Variants in G2E3 observed in about 807,000 individuals in gnomAD.
The protein encoded by G2E3 is G2/M phase-specific E3 ubiquitin-protein ligase.
In G2E3, 35 loss-of-function variants were observed where a neutral mutation model predicts 92.8. The ratio of observed to expected loss-of-function variants is 0.38; its 90% confidence interval spans 0.29 to 0.50. The LOEUF (loss-of-function observed/expected upper bound fraction) is 0.50. Ranked by LOEUF, G2E3 falls within the 20% of genes least tolerant of loss-of-function variation. The pLI is 0.94. For missense variants in G2E3, 554 were observed against 823.8 expected (o/e 0.67, Z 4.01); for synonymous variants, 242 against 272.4 (o/e 0.89, Z 1.10).
At position 30,596,407 on chromosome 14, in the gene G2E3, C is replaced by T. The variant is rs572226109; in HGVS notation, c.529-1013C>T. 2.8e-4 allele frequency among the ~76,000 whole-genome samples: 43 copies of T among 152,244 alleles called. No individual in the cohort carries two copies. The South Asian group carries it at 5.0e-3, about 18-fold the overall frequency. On this transcript the variant is annotated intron_variant, in intron 6 of 14. Transcript: ENST00000206595. ...CATACTACTGTCTTTAACTTACCTA[C>T]CTAGCCTCTACTTAGTTCAGTTTGG...
At position 30,618,118 on chromosome 14, in the gene G2E3, A is replaced by G. The variant is rs1387086492; in HGVS notation, c.*1584A>G. 1 of 152,100 alleles carries G rather than the reference A, an allele frequency of 6.6e-6. No individual in the cohort carries two copies. The highest frequency in any genetic ancestry group is 1.5e-5 in the Non-Finnish European group (1 of 67,944). The allele number at this position is 152,100 out of a possible 1,614,324, so 9.4% of individuals were successfully genotyped here. On this transcript the variant is annotated 3_prime_UTR_variant, in exon 15 of 15. Transcript: ENST00000206595. Reference sequence around the variant, plus strand: ...CAAAGGAAAACTAAAACATAATTCTAGTGTACTTTTCTTTGTTCCCTCATG... The same window carrying G: ...CAAAGGAAAACTAAAACATAATTCTGGTGTACTTTTCTTTGTTCCCTCATG...
chr14:30,609,331 T>C (rs139744572), intron 12 of G2E3, among the ~76,000 whole-genome samples: 3 of 152,346 alleles, frequency 2.0e-5, no homozygotes, highest in African/African-American at 7.2e-5. Flanking sequence ...CAGTCTCAAG[T>C]TAGCTAGTTC....
At chr14:30,561,848 CT>C (rs61225908) in intron 1 of G2E3, among the ~76,000 whole-genome samples, 388 of 135,046 alleles carry the variant, frequency 2.9e-3, no homozygotes, top group African/African-American at 3.0e-3. Flanking sequence ...AAAGTTGTTG[CT>C]TTTTTTTTTT....
intron 5 of G2E3, among the ~76,000 whole-genome samples, chr14:30,592,936 A>G (rs775880292): frequency 6.6e-6 from 1 of 152,036 alleles, no homozygotes; most frequent in Non-Finnish European, 1.5e-5. Context: ...ATGAATTTTG[A>G]CTTTTGGTAT....
intron 3 of G2E3, among the ~76,000 whole-genome samples, chr14:30,588,710 C>A (rs1426584957): frequency 1.3e-5 from 2 of 152,084 alleles, no homozygotes; most frequent in Non-Finnish European, 2.9e-5. Flanking sequence ...TTAATACTTG[C>A]CTAGGGTTCC....
chr14:30,572,345 C>T (rs545398836), intron 1 of G2E3, among the ~76,000 whole-genome samples: 2 of 152,170 alleles, frequency 1.3e-5, no homozygotes, highest in South Asian at 2.1e-4. Flanking sequence ...CTAAGGTGAA[C>T]GTTTGTAGAT....
At chr14:30,600,112 G>A (rs951441053) in intron 8 of G2E3, among the ~76,000 whole-genome samples, 1 of 152,162 alleles carries the variant, frequency 6.6e-6, no homozygotes, top group African/African-American at 2.4e-5. Context: ...TCAATAATTT[G>A]TTATCACTGT....
At chr14:30,603,712 G>T (rs916956845) in intron 10 of G2E3, among the ~76,000 whole-genome samples, 2 of 152,112 alleles carry the variant, frequency 1.3e-5, no homozygotes, top group Non-Finnish European at 2.9e-5. Flanking sequence ...AGGTATGGTG[G>T]TGTGCACCTG....
chr14:30,566,512 TTTAC>T (rs370926075), intron 1 of G2E3, among the ~76,000 whole-genome samples: 8 of 152,338 alleles, frequency 5.3e-5, no homozygotes, highest in African/African-American at 1.9e-4. Context: ...AATGGAATTG[TTTAC>T]TTAATTTCCT....
In G2E3 at chr14:30,605,814, TA is replaced by T; in HGVS notation, c.1318+4del. The T allele has an allele frequency of 6.8e-7, 1 of 1,479,092 alleles. No homozygotes were observed. The highest frequency in any genetic ancestry group is 9.2e-7 in the Non-Finnish European group (1 of 1,092,430). The allele number at this position is 1,479,092 out of a possible 1,614,324, so 91.6% of individuals were successfully genotyped here. ...AGAACTTGTCTCTAAATTCTCAAGGTAATTATTTTATTTATTGTTGTATATA... is the reference window on the plus strand; with the variant it reads ...AGAACTTGTCTCTAAATTCTCAAGGTATTATTTTATTTATTGTTGTATATA... On this transcript the variant is annotated splice_donor_region_variant and intron_variant, in intron 11 of 14. Transcript: ENST00000206595.
rs184817933 is a variant in G2E3 at position 30,564,757 on chromosome 14, A to G, written c.-5+5485A>G. On this transcript the variant is annotated intron_variant, in intron 1 of 14. Transcript: ENST00000206595. ...TGTCTGACTTCCCTCATTTAATATA[A>G]TGTTTTCAAGGTTATCTATGTTGTA... Among the ~76,000 whole-genome samples the G allele has an allele frequency of 1.0e-3, 154 of 152,276 alleles. 1 individual carries two copies. The highest frequency in any genetic ancestry group is 4.8e-3 in the East Asian group (25 of 5,190).
At chr14:30,614,399 G>C (rs138080760) in intron 13 of G2E3, among the ~76,000 whole-genome samples, 1 of 152,206 alleles carries the variant, frequency 6.6e-6, no homozygotes, top group Non-Finnish European at 1.5e-5. Context: ...GTCTTGCTGT[G>C]TCATAGCATT....
rs1882429259 is a variant in G2E3, at chr14:30,618,685, A to G, written c.*2151A>G. 6.6e-6 allele frequency: 1 copy of G among 152,114 alleles called. No homozygotes were observed. The highest frequency in any genetic ancestry group is 2.1e-4 in the South Asian group (1 of 4,836). The allele number at this position is 152,114 out of a possible 1,614,324, so 9.4% of individuals were successfully genotyped here. On this transcript the variant is annotated 3_prime_UTR_variant, in exon 15 of 15. Coordinates refer to ENST00000206595, the MANE Select transcript of G2E3 (RefSeq NM_017769.5). ...TGAAGCATAAATATTTATTTTGCAA[A>G]ATGTTTTCTAGTTTGAAGGATGTTC...
chr14:30,589,561 T>C, intron 4 of G2E3, 77 bp downstream of exon 4: 1 of 749,496 alleles, frequency 1.3e-6, no homozygotes, highest in Non-Finnish European at 2.3e-6. Flanking sequence ...TCAGTTTCTG[T>C]ACTAGAAATT....
In G2E3 at chr14:30,615,430, T is replaced by C; in HGVS notation, c.1755T>C (p.His585=). 3 of 1,610,810 alleles carry C rather than the reference T, an allele frequency of 1.9e-6. No homozygotes were observed. The highest frequency in any genetic ancestry group is 1.1e-5 in the South Asian group (1 of 90,974). ...YPEAFCSILC[H]KPESLSAKIL... is the part of the protein sequence containing the mutation. The stretch of plus-strand genomic sequence containing the variant: ...AAGCATTTTGTAGCATCCTGTGTCA[T>C]AAACCTGAGAGTCTTTCTGCAAAAA... The change falls in exon 14 of 15, where the codon CAT becomes CAC. Residue 585 remains histidine (H), a synonymous_variant. Transcript: ENST00000206595.
chr14:30,563,155 T>C (rs1313377487), intron 1 of G2E3, among the ~76,000 whole-genome samples: 1 of 149,034 alleles, frequency 6.7e-6, no homozygotes, highest in African/African-American at 2.6e-5. Flanking sequence ...ACACTCTTGG[T>C]ACAGTTTTTT....
chr14:30,599,494 TG>T, intron 8 of G2E3, among the ~76,000 whole-genome samples: 1 of 152,156 alleles, frequency 6.6e-6, no homozygotes. Context: ...CCCAAAGTGC[TG>T]GGATTACAGG....
intron 1 of G2E3, among the ~76,000 whole-genome samples, chr14:30,569,833 C>A (rs1001782384): frequency 6.6e-6 from 1 of 152,156 alleles, no homozygotes; most frequent in Non-Finnish European, 1.5e-5. Context: ...GAGCAACTTC[C>A]AGAAGAAATT....
At chr14:30,606,316 G>A (rs1301682309) in intron 11 of G2E3, among the ~76,000 whole-genome samples, 1 of 151,846 alleles carries the variant, frequency 6.6e-6, no homozygotes, top group African/African-American at 2.4e-5. Flanking sequence ...ATTATAACAG[G>A]CATCTCAAAA....
Sources: allele counts gnomAD v4.1 joint callset (sites outside exome capture counted in the v4.1 genomes callset), GRCh38; gene constraint gnomAD v4.1.1; transcripts MANE v1.5; gene names NCBI Gene and HGNC (gene_info 2026-07-23, HGNC 2026-07-21).